NDUFAF6: variants seen among roughly 807,000 people sequenced by gnomAD.
NDUFAF6 encodes NADH:ubiquinone oxidoreductase complex assembly factor 6, also known as NADH dehydrogenase (ubiquinone) complex I, assembly factor 6.
A neutral mutation model predicts 40.8 loss-of-function variants in NDUFAF6; 45 were observed. The observed-to-expected ratio is 1.10, with a 90% CI of 0.87 to 1.42. The LOEUF is 1.42. Among genes scored for constraint, NDUFAF6 ranks in the 40% most tolerant of loss-of-function variants. The probability of loss-of-function intolerance (pLI) is 0.00; values close to 1 mark genes in which losing one functional copy is unlikely to be tolerated. For synonymous variants in NDUFAF6, 185 were observed against 155.9 expected, an observed-to-expected ratio of 1.19 and a Z score of -1.39; for missense variants, 435 against 418.5, an observed-to-expected ratio of 1.04 and a Z score of -0.34.
chr8:95,041,434 A>G, intron 3 of NDUFAF6, 136 bp from the exon 4 acceptor site: 1 of 640,092 alleles, frequency 1.6e-6, no homozygotes, highest in African/African-American at 1.8e-5. Flanking sequence ...TACTTCTTTA[A>G]CATAGCTGTC....
intron 3 of NDUFAF6, chr8:95,036,237 A>C: frequency 8.5e-7 from 1 of 1,173,560 alleles, no homozygotes; most frequent in South Asian, 1.5e-5. Flanking sequence ...AATATTCTAA[A>C]CTATGAGAGG....
At chr8:95,069,142 A>G (rs772084017) in intron 9 of NDUFAF6, 1 of 151,714 alleles carries the variant, frequency 6.6e-6, no homozygotes, top group Non-Finnish European at 1.5e-5. Context: ...CTCAACACTC[A>G]CTTATTCACT....
At chr8:95,005,679 A>G (rs1421397613) in intron 2 of NDUFAF6, among the ~76,000 whole-genome samples, 1 of 151,442 alleles carries the variant, frequency 6.6e-6, no homozygotes, top group Non-Finnish European at 1.5e-5. Flanking sequence ...TTAACCCTGT[A>G]GCAGAGATGG....
intron 2 of NDUFAF6, among the ~76,000 whole-genome samples, chr8:95,082,750 C>A (rs953962781): frequency 6.6e-6 from 1 of 151,962 alleles, no homozygotes; most frequent in South Asian, 2.1e-4. Context: ...AGCTCCGCCT[C>A]CCGGGTTCAC....
rs76606405 is a variant in NDUFAF6, at chr8:95,058,687, C to T, written c.*750C>T. 1.1e-3 allele frequency: 1,137 copies of T among 1,028,182 alleles called. 9 individuals are homozygous for T. The African/African-American group carries it at 0.017, about 15-fold the overall frequency. The allele number at this position is 1,028,182 out of a possible 1,614,324, so 63.7% of individuals were successfully genotyped here. A position where few individuals can be genotyped will look rare whatever the true frequency, so the allele number is the denominator to read the frequency against. On this transcript the variant is annotated 3_prime_UTR_variant, in exon 9 of 9. Transcript: ENST00000396124. ...ATATGAACGGTATTGTATTGAACAT[C>T]CATTAAAGGGTTGCTACACTTTATA... is the stretch of plus-strand genomic sequence containing the variant.
In NDUFAF6 at chr8:94,958,481, A is replaced by G. The variant is rs182185145; in HGVS notation, c.-199+302A>G. Among the ~76,000 whole-genome samples the G allele has an allele frequency of 3.1e-3, 432 of 138,928 alleles. 2 individuals carry two copies. Among genetic ancestry groups the G allele is most frequent in the Admixed American group, 4.5e-3 (63 of 13,852 alleles). 91.1% of individuals were successfully genotyped at this position (138,928 alleles called of 152,430 possible). A position where few individuals can be genotyped will look rare whatever the true frequency, so the allele number is the denominator to read the frequency against. On this transcript the variant is annotated intron_variant, in intron 1 of 9. Coordinates refer to the NDUFAF6 transcript ENST00000396111. ...TAGGGGCCACCCTAATGACCTGTTG[A>G]TCACCTGTCTCAAAGCCCTATCTCC...
chr8:95,040,180 G>A (rs1200202682), intron 3 of NDUFAF6, among the ~76,000 whole-genome samples: 4 of 152,142 alleles, frequency 2.6e-5, no homozygotes, highest in South Asian at 2.1e-4. Context: ...CCCCGACCTC[G>A]TCTTTTTAAA....
At chr8:95,102,550 C>T (rs1326404861) in intron 2 of NDUFAF6, among the ~76,000 whole-genome samples, 2 of 152,196 alleles carry the variant, frequency 1.3e-5, no homozygotes, top group Non-Finnish European at 2.9e-5. Flanking sequence ...TGCTGTTATG[C>T]AGTGTCAGTG....
At chr8:95,040,120 C>T (rs1481015299) in intron 3 of NDUFAF6, among the ~76,000 whole-genome samples, 1 of 152,120 alleles carries the variant, frequency 6.6e-6, no homozygotes, top group East Asian at 1.9e-4. Flanking sequence ...TGGAACATTT[C>T]CGTAGCTTTT....
At chr8:95,088,727 GT>G (rs1322422319) in intron 2 of NDUFAF6, among the ~76,000 whole-genome samples, 2,226 of 109,230 alleles carry the variant, frequency 0.02, 51 homozygotes, top group African/African-American at 0.056. Context: ...GTGTGTGTGT[GT>G]TTTCTTTTTG....
intron 1 of NDUFAF6, among the ~76,000 whole-genome samples, chr8:94,940,527 A>G (rs145769030): frequency 1.2e-4 from 18 of 152,200 alleles, no homozygotes; most frequent in Middle Eastern, 3.4e-3. Flanking sequence ...GACTGTTTCT[A>G]TTCTGCTGGA....
intron 2 of NDUFAF6, among the ~76,000 whole-genome samples, chr8:95,007,480 ATAGT>A (rs1295739548): frequency 1.3e-5 from 2 of 152,064 alleles, no homozygotes; most frequent in Non-Finnish European, 2.9e-5. Context: ...CCTGGGAAAC[ATAGT>A]TAGACCCCAT....
Position 95,006,661 on chromosome 8 carries a change from G to A in NDUFAF6, c.-83-25334G>A, listed in dbSNP as rs1191062287. Among the ~76,000 whole-genome samples the A allele has an allele frequency of 3.9e-5, 6 of 151,940 alleles. 1 individual carries two copies. The highest frequency in any genetic ancestry group is 1.9e-4 in the East Asian group (1 of 5,146). ...TTTGGGAGGCTAAGGCGGGCGGATC[G>A]CTTGAGCTTAAGAGTTCGAGACCAG... On this transcript the variant is annotated intron_variant, in intron 2 of 9. Transcript: ENST00000396111.
At chr8:94,906,658 G>A (rs1053282712) in intron 1 of NDUFAF6, among the ~76,000 whole-genome samples, 4 of 152,228 alleles carry the variant, frequency 2.6e-5, no homozygotes, top group African/African-American at 9.6e-5. Context: ...TAAAGGACAT[G>A]CTGACACAGA....
rs533190391 is a variant in NDUFAF6 at position 94,898,455 on chromosome 8, C to T, written c.-936+2528C>T. On this transcript the variant is annotated intron_variant, in intron 1 of 14. Coordinates refer to the NDUFAF6 transcript ENST00000396113. ...AAAACATCAGATGAATTCCGGTAGA[C>T]GAGTTGACTGGGGTTATGGGTTTGG... Among the ~76,000 whole-genome samples the T allele has an allele frequency of 2.0e-5, 3 of 152,158 alleles. No individual in the cohort carries two copies. In the South Asian group the frequency reaches 6.2e-4, roughly 32 times the overall value.
downstream of NDUFAF6, among the ~76,000 whole-genome samples, chr8:95,106,191 C>T (rs1196035654): frequency 6.6e-6 from 1 of 151,048 alleles, no homozygotes; most frequent in African/African-American, 2.4e-5. Context: ...AGGAGAATGG[C>T]GTGAACATGG....
At chr8:94,914,302 T>C (rs1209647758) in intron 1 of NDUFAF6, among the ~76,000 whole-genome samples, 1 of 152,188 alleles carries the variant, frequency 6.6e-6, no homozygotes, top group Admixed American at 6.5e-5. Flanking sequence ...CAAACATCGC[T>C]GTAAGCCAGC....
chr8:94,914,943 C>T (rs892730029), intron 1 of NDUFAF6, among the ~76,000 whole-genome samples: 3 of 151,998 alleles, frequency 2.0e-5, no homozygotes, highest in South Asian at 2.1e-4. Flanking sequence ...TTAGCTTCAT[C>T]GGGTACATGT....
chr8:94,924,544 A>G (rs1819731026), intron 1 of NDUFAF6, among the ~76,000 whole-genome samples: 1 of 152,216 alleles, frequency 6.6e-6, no homozygotes, highest in African/African-American at 2.4e-5. Flanking sequence ...CTTAGGCCAC[A>G]TATCAAACTG....
Sources: allele counts gnomAD v4.1 joint callset (sites outside exome capture counted in the v4.1 genomes callset), GRCh38; gene constraint gnomAD v4.1.1; transcripts MANE v1.5; gene names NCBI Gene and HGNC (gene_info 2026-07-23, HGNC 2026-07-21).